DECR1: variants seen among roughly 807,000 people sequenced by gnomAD.
DECR1 encodes 2,4-dienoyl-CoA reductase 1.
In DECR1, 44 loss-of-function variants were observed where a neutral mutation model predicts 38.8. That is an observed-to-expected ratio of 1.13 (90% confidence interval 0.89 to 1.46). The LOEUF (loss-of-function observed/expected upper bound fraction) is 1.46. DECR1 is among the 40% of genes most tolerant of loss of function. The probability of loss-of-function intolerance (pLI) is 0.00; values close to 1 mark genes in which losing one functional copy is unlikely to be tolerated. For synonymous variants in DECR1, 148 were observed against 135.2 expected (o/e 1.09, Z -0.66); for missense variants, 428 against 405.5 (o/e 1.06, Z -0.48).
At chr8:90,020,837 G>GA (rs991566389) in intron 4 of DECR1, 72 bp from the exon 5 acceptor site, 120 of 1,290,490 alleles carry the variant, frequency 9.3e-5, no homozygotes, top group Middle Eastern at 2.7e-4. Context: ...ATACATTTCA[G>GA]AAAAAAAACC....
chr8:90,014,057 G>A (rs1298198033), intron 1 of DECR1, among the ~76,000 whole-genome samples: 2 of 152,110 alleles, frequency 1.3e-5, no homozygotes, highest in African/African-American at 2.4e-5. Context: ...AAATAATTCT[G>A]TATTGCCAAA....
intron 6 of DECR1, 134 bp downstream of exon 6, chr8:90,037,074 T>C (rs1416936783): frequency 1.6e-6 from 1 of 625,918 alleles, no homozygotes; most frequent in Non-Finnish European, 2.8e-6. Context: ...GAGACATACA[T>C]TTTATCTCCC....
intron 1 of DECR1, among the ~76,000 whole-genome samples, chr8:90,009,595 A>G (rs969538450): frequency 6.6e-6 from 1 of 152,290 alleles, no homozygotes; most frequent in Admixed American, 6.5e-5. Context: ...GAATAAATGA[A>G]TAAACTCTAT....
At chr8:90,007,948 T>C (rs574135469) in intron 1 of DECR1, among the ~76,000 whole-genome samples, 1 of 152,334 alleles carries the variant, frequency 6.6e-6, no homozygotes, top group Non-Finnish European at 1.5e-5. Flanking sequence ...CTTTTATCCC[T>C]TCCAGTCTGG....
intron 5 of DECR1, among the ~76,000 whole-genome samples, chr8:90,027,980 A>G (rs1484348755): frequency 1.3e-5 from 2 of 152,010 alleles, no homozygotes; most frequent in Non-Finnish European, 2.9e-5. Context: ...GTTTTGCTGA[A>G]ATTTTCTTAA....
chr8:90,019,614 C>T (rs1463619063), intron 4 of DECR1, among the ~76,000 whole-genome samples: 1 of 152,220 alleles, frequency 6.6e-6, no homozygotes, highest in Admixed American at 6.5e-5. Flanking sequence ...CAATGGTAAA[C>T]AAACATGGTG....
chr8:90,041,437 C>T (rs1167613406), intron 6 of DECR1, among the ~76,000 whole-genome samples: 1 of 152,124 alleles, frequency 6.6e-6, no homozygotes, highest in Non-Finnish European at 1.5e-5. Context: ...GTTGCCTGTG[C>T]ACTCTGATGA....
chr8:90,006,369 A>G, intron 1 of DECR1: 1 of 702,070 alleles, frequency 1.4e-6, no homozygotes, highest in Non-Finnish European at 2.6e-6. Context: ...GGAGAGATGT[A>G]AGAATGTTTT....
At chr8:90,007,075 A>G (rs1366560732) in intron 1 of DECR1, among the ~76,000 whole-genome samples, 1 of 152,170 alleles carries the variant, frequency 6.6e-6, no homozygotes, top group African/African-American at 2.4e-5. Context: ...AGTGTTAGGG[A>G]AAGCACCAGA....
At chr8:90,027,874 A>G (rs550274767) in intron 5 of DECR1, among the ~76,000 whole-genome samples, 1 of 152,200 alleles carries the variant, frequency 6.6e-6, no homozygotes, top group South Asian at 2.1e-4. Flanking sequence ...ATGGTGAATT[A>G]CATTAATTAA....
rs1451808424 is a variant in DECR1, at chr8:90,017,121, T to C, written c.70-3T>C. On this transcript the variant is annotated splice_polypyrimidine_tract_variant and splice_region_variant and intron_variant, in intron 1 of 9. Coordinates refer to ENST00000220764, the MANE Select transcript of DECR1 (RefSeq NM_001359.2). ...CAAATTTAAATTCATTTTCCCCTTT[T>C]AGTTTTTCAGTTATGGGACAAAAAT... The C allele has an allele frequency of 6.2e-7, 1 of 1,604,518 alleles. No individual in the cohort carries two copies. Among genetic ancestry groups the C allele is most frequent in the African/African-American group, 1.3e-5 (1 of 74,516 alleles).
intron 6 of DECR1, among the ~76,000 whole-genome samples, chr8:90,039,000 C>A (rs1389458002): frequency 6.6e-6 from 1 of 152,108 alleles, no homozygotes; most frequent in Non-Finnish European, 1.5e-5. Context: ...TATCTCATGT[C>A]CTTTAAGAAC....
At chr8:90,011,906 T>C (rs1812892050) in intron 1 of DECR1, among the ~76,000 whole-genome samples, 2 of 152,192 alleles carry the variant, frequency 1.3e-5, no homozygotes, top group Admixed American at 1.3e-4. Flanking sequence ...CCAGAATTCT[T>C]ATCAACAGAT....
At chr8:90,048,975 G>A (rs955218580) in intron 8 of DECR1, among the ~76,000 whole-genome samples, 3 of 152,146 alleles carry the variant, frequency 2.0e-5, no homozygotes, top group African/African-American at 4.8e-5. Flanking sequence ...AAAGGCCTTC[G>A]ACAAAATTCA....
chr8:90,037,989 G>A (rs1302439588), intron 6 of DECR1, among the ~76,000 whole-genome samples: 2 of 152,028 alleles, frequency 1.3e-5, no homozygotes, highest in Non-Finnish European at 2.9e-5. Context: ...TCACTCTTTG[G>A]AATAAAAGCC....
chr8:90,031,074 A>T (rs924464840), intron 5 of DECR1, among the ~76,000 whole-genome samples: 1 of 152,148 alleles, frequency 6.6e-6, no homozygotes, highest in African/African-American at 2.4e-5. Context: ...TAGTAGTTAC[A>T]TAGTAGTTAA....
chr8:90,031,102 C>G (rs1288323588), intron 5 of DECR1, among the ~76,000 whole-genome samples: 2 of 152,132 alleles, frequency 1.3e-5, no homozygotes, highest in Non-Finnish European at 2.9e-5. Flanking sequence ...GGCTCTAGAG[C>G]TTAACTGCCA....
intron 5 of DECR1, among the ~76,000 whole-genome samples, chr8:90,024,625 T>G (rs1322579205): frequency 6.6e-6 from 1 of 152,242 alleles, no homozygotes; most frequent in Admixed American, 6.5e-5. Flanking sequence ...ATTAGTCCTT[T>G]GTCAGATGGG....
chr8:90,017,091 G>C (rs373353318), intron 1 of DECR1, 33 bp from the exon 2 acceptor site: 4 of 1,494,290 alleles, frequency 2.7e-6, no homozygotes, highest in African/African-American at 1.4e-5. Flanking sequence ...GGAAATATAT[G>C]TATGCAAATT....
Sources: gnomAD v4.1 joint callset for allele counts (sites outside exome capture counted in the v4.1 genomes callset) on GRCh38, gnomAD v4.1.1 for gene constraint, MANE v1.5 for transcripts, NCBI Gene and HGNC (gene_info 2026-07-23, HGNC 2026-07-21) for gene names.